MIPOL1: variants seen among roughly 807,000 people sequenced by gnomAD.
The protein encoded by MIPOL1 is mirror-image polydactyly gene 1 protein.
A neutral mutation model predicts 60.9 loss-of-function variants in MIPOL1; 57 were observed. The ratio of observed to expected loss-of-function variants is 0.94; its 90% CI spans 0.76 to 1.17. MIPOL1 has a LOEUF of 1.17. Among genes scored for constraint, MIPOL1 ranks in the 50% most tolerant of loss-of-function variants. The probability of loss-of-function intolerance (pLI) is 0.00; values close to 1 mark genes in which losing one functional copy is unlikely to be tolerated. For synonymous variants in MIPOL1, 179 were observed against 168.8 expected (o/e 1.06, Z -0.47); for missense variants, 551 against 511.6 (o/e 1.08, Z -0.74).
intron 11 of MIPOL1, among the ~76,000 whole-genome samples, chr14:37,478,554 A>G (rs562963187): frequency 6.6e-6 from 1 of 152,270 alleles, no homozygotes; most frequent in East Asian, 1.9e-4. Flanking sequence ...AAATGGCAGT[A>G]GTCTTTACTA....
rs966986274 is a variant in MIPOL1 at position 37,548,643 on chromosome 14, G to A, written c.*1672G>A. The stretch of plus-strand genomic sequence containing the variant: ...TCTTTAAAGTCATCTGGGAGGTGCA[G>A]GTAAGTAAAGAGAAACAATTTTTGT... On this transcript the variant is annotated 3_prime_UTR_variant, in exon 13 of 13. Transcript: ENST00000684589. The A allele has an allele frequency of 1.3e-5, 2 of 151,834 alleles. No individual in the cohort carries two copies. The highest frequency in any genetic ancestry group is 4.8e-5 in the African/African-American group (2 of 41,376). The allele number at this position is 151,834 out of a possible 1,614,324, so 9.4% of individuals were successfully genotyped here.
chr14:37,366,909 T>C (rs2092489359), intron 9 of MIPOL1, among the ~76,000 whole-genome samples: 1 of 152,054 alleles, frequency 6.6e-6, no homozygotes, highest in South Asian at 2.1e-4. Context: ...ATAATGACCT[T>C]GTTTGTCTTT....
intron 6 of MIPOL1, chr14:37,278,601 C>T (rs1396023368): frequency 6.6e-6 from 1 of 151,542 alleles, no homozygotes; most frequent in African/African-American, 2.4e-5. Context: ...ATTTCTTTTT[C>T]CTTCTTTTTA....
chr14:37,243,116 C>A (rs899434138), intron 1 of MIPOL1, among the ~76,000 whole-genome samples: 4 of 152,142 alleles, frequency 2.6e-5, no homozygotes, highest in African/African-American at 9.7e-5. Context: ...AAATATCTTA[C>A]ATATTTTTGT....
intron 1 of MIPOL1, among the ~76,000 whole-genome samples, chr14:37,212,975 G>A (rs1966948486): frequency 2.0e-5 from 3 of 152,252 alleles, no homozygotes; most frequent in Admixed American, 1.3e-4. Flanking sequence ...GATTATCAAG[G>A]TTGTACCTAT....
At chr14:37,315,391 G>A (rs868839126) in intron 9 of MIPOL1, among the ~76,000 whole-genome samples, 1 of 152,184 alleles carries the variant, frequency 6.6e-6, no homozygotes, top group African/African-American at 2.4e-5. Context: ...GTATGATCTT[G>A]GAGGTAATGG....
At chr14:37,220,183 A>G (rs1184759719) in intron 1 of MIPOL1, among the ~76,000 whole-genome samples, 2 of 152,172 alleles carry the variant, frequency 1.3e-5, no homozygotes, top group Non-Finnish European at 2.9e-5. Context: ...TAATTAGAAA[A>G]ACTTTTGTAT....
At position 37,455,371 on chromosome 14, in the gene MIPOL1, C is replaced by A. The variant is rs183564462; in HGVS notation, c.1031+32422C>A. On this transcript the variant is annotated intron_variant, in intron 11 of 12. Transcript: ENST00000684589. ...TGATTTTGTTCTCTTCAAATTCATT[C>A]CTCACTCTTTCTTGACTGCCATTTA... 1.7e-3 allele frequency among the ~76,000 whole-genome samples: 258 copies of A among 152,226 alleles called. 1 individual carries two copies. The highest frequency in any genetic ancestry group is 5.9e-3 in the African/African-American group (244 of 41,554).
At chr14:37,225,083 TC>T (rs1969482135) in intron 1 of MIPOL1, among the ~76,000 whole-genome samples, 1 of 152,170 alleles carries the variant, frequency 6.6e-6, no homozygotes, top group African/African-American at 2.4e-5. Flanking sequence ...AGAGGTGGGT[TC>T]CCATGGTCTT....
chr14:37,524,557 TTC>T (rs147471725), intron 12 of MIPOL1, among the ~76,000 whole-genome samples: 84,711 of 132,408 alleles, frequency 0.64, 27,833 homozygotes, highest in East Asian at 0.84. Context: ...ATCTTAATTT[TTC>T]TTTTTCTTTT....
At chr14:37,311,558 T>C (rs1354565202) in intron 9 of MIPOL1, among the ~76,000 whole-genome samples, 1 of 152,336 alleles carries the variant, frequency 6.6e-6, no homozygotes, top group East Asian at 1.9e-4. Context: ...ATTTTAATTT[T>C]TATGTTAGTC....
At chr14:37,480,586 C>T (rs1474102642) in intron 11 of MIPOL1, among the ~76,000 whole-genome samples, 2 of 151,728 alleles carry the variant, frequency 1.3e-5, no homozygotes, top group Non-Finnish European at 2.9e-5. Context: ...TATGAGAAGC[C>T]CACAGCTAAC....
intron 11 of MIPOL1, among the ~76,000 whole-genome samples, chr14:37,428,147 A>C (rs975685282): frequency 6.6e-6 from 1 of 152,214 alleles, no homozygotes; most frequent in Admixed American, 6.5e-5. Flanking sequence ...GTCAGAATAC[A>C]GCCGGCATGT....
chr14:37,384,252 G>T (rs1248588784), intron 10 of MIPOL1, among the ~76,000 whole-genome samples: 1 of 151,792 alleles, frequency 6.6e-6, no homozygotes, highest in Non-Finnish European at 1.5e-5. Flanking sequence ...TGAAAAAGAT[G>T]GCAAAACTTT....
Position 37,500,131 on chromosome 14 carries a change from G to C in MIPOL1, c.1255G>C (p.Val419Leu). The C allele has an allele frequency of 6.3e-7, 1 of 1,597,704 alleles. No individual in the cohort carries two copies. The highest frequency in any genetic ancestry group is 1.1e-5 in the South Asian group (1 of 89,530). The change falls in exon 12 of 13, where the codon GTT becomes CTT. Residue 419 changes from valine (V) to leucine (L), a missense_variant. By Grantham distance (32) the Val-to-Leu change is conservative. Transcript: ENST00000684589. ...GGCCTCCCAAGTGGCCAATGAAAAA[G>C]TTCAAAAGTAAGTTAAATGATCTTG... ...REASQVANEK[V>L]QKLERLVDVL...
At chr14:37,426,570 C>CATATACATATATACATATACATACAT (rs1555339840) in intron 11 of MIPOL1, among the ~76,000 whole-genome samples, 2 of 85,530 alleles carry the variant, frequency 2.3e-5, no homozygotes, top group African/African-American at 9.1e-5. Flanking sequence ...TCAAAATATA[C>CATATACATATATACATATACATACAT]ATATATATAT....
At chr14:37,421,902 A>G (rs2093878919) in intron 10 of MIPOL1, among the ~76,000 whole-genome samples, 1 of 151,946 alleles carries the variant, frequency 6.6e-6, no homozygotes, top group South Asian at 2.1e-4. Context: ...CTGTGGCTCC[A>G]AACTTTCTAT....
intron 11 of MIPOL1, among the ~76,000 whole-genome samples, chr14:37,471,081 C>A (rs1048374098): frequency 6.6e-6 from 1 of 152,120 alleles, no homozygotes; most frequent in Non-Finnish European, 1.5e-5. Flanking sequence ...CACATGTACT[C>A]ACTGAATCTA....
At chr14:37,427,534 A>G (rs1039746773) in intron 11 of MIPOL1, among the ~76,000 whole-genome samples, 1 of 152,206 alleles carries the variant, frequency 6.6e-6, no homozygotes, top group African/African-American at 2.4e-5. Flanking sequence ...TACTGCCAGT[A>G]AGTTGTGCAG....
Sources: gnomAD v4.1 joint callset for allele counts (sites outside exome capture counted in the v4.1 genomes callset) on GRCh38, gnomAD v4.1.1 for gene constraint, MANE v1.5 for transcripts, NCBI Gene and HGNC (gene_info 2026-07-23, HGNC 2026-07-21) for gene names.